Variants in SEC24C observed in about 807,000 individuals in gnomAD.
SEC24C encodes the protein SEC24 homolog C, COPII component, also known as protein transport protein Sec24C.
SEC24C carries 22 observed loss-of-function variants against 117.0 expected under a neutral mutation model. The ratio of observed to expected loss-of-function variants is 0.19; its 90% confidence interval spans 0.13 to 0.27. SEC24C has a LOEUF of 0.27. SEC24C is among the 10% of genes least tolerant of loss of function. The pLI, the probability that SEC24C is intolerant of heterozygous loss-of-function variation, is 1.00. For synonymous variants in SEC24C, 506 were observed against 529.4 expected (o/e 0.96, Z 0.61); for missense variants, 1,155 against 1,375.1 (o/e 0.84, Z 2.53).
At chr10:73,750,535 G>T (rs1036536524) in intron 2 of SEC24C, among the ~76,000 whole-genome samples, 11 of 152,178 alleles carry the variant, frequency 7.2e-5, no homozygotes, top group African/African-American at 1.9e-4. Flanking sequence ...CAGAAACAAG[G>T]TCTCCGATCT....
intron 3 of SEC24C, among the ~76,000 whole-genome samples, chr10:73,751,498 G>A (rs2082642008): frequency 2.0e-5 from 3 of 152,176 alleles, no homozygotes; most frequent in South Asian, 2.1e-4. Context: ...GCCGTGAGCC[G>A]AGATCGTGCC....
At chr10:73,755,994 G>A (rs562506756) in intron 3 of SEC24C, among the ~76,000 whole-genome samples, 2 of 152,162 alleles carry the variant, frequency 1.3e-5, no homozygotes, top group South Asian at 2.1e-4. Flanking sequence ...TGGGACTACA[G>A]ATGTGGGCCA....
At chr10:73,749,540 T>C (rs1207566041) in intron 2 of SEC24C, among the ~76,000 whole-genome samples, 1 of 138,422 alleles carries the variant, frequency 7.2e-6, no homozygotes, top group Non-Finnish European at 1.5e-5. Flanking sequence ...TTTCTTTTTC[T>C]TTTTTTTTTT....
At chr10:73,765,233 G>A (rs553512213) in intron 8 of SEC24C, among the ~76,000 whole-genome samples, 2 of 152,210 alleles carry the variant, frequency 1.3e-5, no homozygotes, top group Non-Finnish European at 2.9e-5. Context: ...TGCAGCTCTG[G>A]GGGTGGGATG....
rs2082884970 is a variant in SEC24C, at chr10:73,766,450, A to G, written c.1708A>G (p.Met570Val). 4 of 1,614,136 alleles carry G rather than the reference A, an allele frequency of 2.5e-6. No individual in the cohort carries two copies. The highest frequency in any genetic ancestry group is 3.4e-6 in the Non-Finnish European group (4 of 1,180,024). ...NVKSSLAQPQMMVVSDVADMF... is the reference protein window; with the variant it reads ...NVKSSLAQPQVMVVSDVADMF... ...GAAGAGCTCATTGGCCCAGCCACAG[A>G]TGATGGTTGTGTCTGATGTGGCTGA... Residue 570 changes from methionine (M) to valine (V), a missense_variant, in exon 12 of 23, where the codon ATG (methionine) becomes GTG (valine). Coordinates refer to ENST00000345254, the MANE Select transcript of SEC24C (RefSeq NM_198597.3).
At chr10:73,752,689 T>C (rs745979846) in intron 3 of SEC24C, among the ~76,000 whole-genome samples, 2 of 152,056 alleles carry the variant, frequency 1.3e-5, no homozygotes, top group Non-Finnish European at 2.9e-5. Context: ...CTGGGTGCAG[T>C]GGCTGACTCC....
rs1195144931 is a variant in SEC24C, at chr10:73,760,326, C to T, written c.790C>T (p.Leu264=). 6.2e-7 allele frequency: 1 copy of T among 1,611,810 alleles called. No homozygotes were observed. The highest frequency in any genetic ancestry group is 1.1e-5 in the South Asian group (1 of 91,072). Reference sequence around the variant, plus strand: ...CCCTGGCACCCAGATGACTGGGCCCCTGGGACCACTGCCACCTATGCACTC... The same window carrying T: ...CCCTGGCACCCAGATGACTGGGCCCTTGGGACCACTGCCACCTATGCACTC... The part of the protein sequence containing the change: ...LPPGTQMTGP[L]GPLPPMHSPQ... The change falls in exon 5 of 23, where the codon CTG becomes TTG. Residue 264 remains leucine (L), a synonymous_variant. Transcript: ENST00000345254.
chr10:73,767,132 A>G lies in SEC24C; in HGVS notation c.1972A>G (p.Arg658Gly). 6.2e-7 allele frequency: 1 copy of G among 1,613,956 alleles called. No individual in the cohort carries two copies. Among genetic ancestry groups the G allele is most frequent in the Non-Finnish European group, 8.5e-7 (1 of 1,179,848 alleles). Residue 658 changes from arginine (R) to glycine (G), a missense_variant, in exon 14 of 23, where the codon AGA (arginine) becomes GGA (glycine). Physicochemically the swap from Arg to Gly is moderately radical, Grantham distance 125 (BLOSUM62 -2). Transcript: ENST00000345254. ...AGAGGCCCCAGGGAAACTGAAGAAC[A>G]GAGATGACAGGAAGCTGATCAATAC... ...IAEAPGKLKNRDDRKLINTDK... is the reference protein window; with the variant it reads ...IAEAPGKLKNGDDRKLINTDK...
intron 2 of SEC24C, 147 bp downstream of exon 2, chr10:73,747,151 C>T: frequency 1.7e-6 from 1 of 575,746 alleles, no homozygotes; most frequent in Non-Finnish European, 2.7e-6. Flanking sequence ...AGCTGAGAGC[C>T]CCGTGGGCGC....
chr10:73,758,451 C>G (rs1402153485), intron 3 of SEC24C, among the ~76,000 whole-genome samples: 1 of 152,174 alleles, frequency 6.6e-6, no homozygotes, highest in Non-Finnish European at 1.5e-5. Flanking sequence ...CAGATATGTG[C>G]TGTCACAATT....
chr10:73,751,230 G>C lies in SEC24C; in HGVS notation c.295G>C (p.Val99Leu), dbSNP rs755239424. The change falls in exon 3 of 23, where the codon GTT becomes CTT. Residue 99 changes from valine (V) to leucine (L), a missense_variant. Physicochemically the swap from Val to Leu is conservative, Grantham distance 32 (BLOSUM62 1). Transcript: ENST00000345254. ...TGTACAGAATGGGCCAAGCTCCACT[G>C]TTCAGATGCAAAGGTAGGTACTTGG... ...GDVQNGPSST[V>L]QMQRLPGSQP... 5 of 1,613,782 alleles carry C rather than the reference G, an allele frequency of 3.1e-6. No homozygotes were observed. The East Asian group carries it at 1.1e-4, about 36-fold the overall frequency.
intron 1 of SEC24C, among the ~76,000 whole-genome samples, chr10:73,746,408 A>T (rs374352765): frequency 2.6e-5 from 4 of 152,324 alleles, no homozygotes; most frequent in South Asian, 4.1e-4. Flanking sequence ...GAATGAATGG[A>T]TGCTAGAGTG....
Position 73,771,182 on chromosome 10 carries a change from A to C in SEC24C, c.*87A>C. ...AGAAATTGGGACAGTAACATATCTT[A>C]TGTAAGCTGACCTCAGTCTCTCTGG... On this transcript the variant is annotated 3_prime_UTR_variant, in exon 23 of 23. Transcript: ENST00000345254. 6.8e-6 allele frequency: 10 copies of C among 1,472,690 alleles called. No individual in the cohort carries two copies. Among genetic ancestry groups the C allele is most frequent in the East Asian group, 2.3e-5 (1 of 44,086 alleles). 91.2% of individuals were successfully genotyped at this position (1,472,690 alleles called of 1,614,324 possible).
chr10:73,765,173 C>G (rs1011704926), intron 8 of SEC24C, among the ~76,000 whole-genome samples: 16 of 152,312 alleles, frequency 1.1e-4, no homozygotes, highest in African/African-American at 3.9e-4. Flanking sequence ...ATGGCAGCCC[C>G]TAGTCTGATA....
chr10:73,766,732 G>A (rs1187652973), intron 12 of SEC24C, 28 bp from the exon 13 acceptor site: 1 of 1,592,820 alleles, frequency 6.3e-7, no homozygotes, highest in Non-Finnish European at 8.6e-7. Context: ...TAGCAATTTT[G>A]GTTGTTTTCC....
intron 1 of SEC24C, among the ~76,000 whole-genome samples, chr10:73,746,164 A>AG (rs1449980708): frequency 2.6e-5 from 4 of 151,146 alleles, no homozygotes; most frequent in Non-Finnish European, 5.9e-5. Context: ...GTCTCAAAAA[A>AG]AAAAAAAAAA....
intron 6 of SEC24C, among the ~76,000 whole-genome samples, chr10:73,762,663 GTCTTTTTGAC>G (rs1465711231): frequency 6.6e-6 from 1 of 152,202 alleles, no homozygotes; most frequent in Non-Finnish European, 1.5e-5. Flanking sequence ...CATCTGAAGA[GTCTTTTTGAC>G]TCTGATATAT....
Position 73,746,969 on chromosome 10 carries a change from G to A in SEC24C, c.137G>A (p.Gly46Asp), listed in dbSNP as rs751367721. Residue 46 changes from glycine to aspartate, a missense_variant, in exon 2 of 23, where the codon GGC becomes GAC. Gly to Asp is a moderately conservative substitution (Grantham distance 94, BLOSUM62 -1). Around this residue, in one of 2 missense-constraint regions of SEC24C, gnomAD observed 396 missense variants for 382.8 expected, o/e 1.03. Coordinates refer to ENST00000345254, the MANE Select transcript of SEC24C (RefSeq NM_198597.3). ...GCCATTCCCTATGGAGCCTACAATG[G>A]CCCAGTACCAGGCTATCAGCAAACA... ...APAIPYGAYN[G>D]PVPGYQQTPP... 2.5e-6 allele frequency: 4 copies of A among 1,613,574 alleles called. No individual in the cohort carries two copies. The highest frequency in any genetic ancestry group is 3.3e-4 in the Middle Eastern group (2 of 6,084).
intron 3 of SEC24C, chr10:73,752,204 C>T (rs997809395): frequency 2.5e-4 from 38 of 152,192 alleles, no homozygotes; most frequent in African/African-American, 8.0e-4. Flanking sequence ...TCCCTGGAGC[C>T]TGGATGTCTC....
Sources: gnomAD v4.1 joint callset for allele counts (sites outside exome capture counted in the v4.1 genomes callset) on GRCh38, gnomAD v4.1.1 for gene constraint, gnomAD v4.1.1 regional missense constraint, MANE v1.5 for transcripts, NCBI Gene and HGNC (gene_info 2026-07-23, HGNC 2026-07-21) for gene names.